The following SGCZ variants were observed in gnomAD, a reference collection of about 807,000 sequenced individuals.
SGCZ encodes sarcoglycan zeta.
SGCZ carries 40 observed loss-of-function variants against 41.3 expected under a neutral mutation model. That is an observed-to-expected ratio of 0.97 (90% CI 0.75 to 1.26). The LOEUF (loss-of-function observed/expected upper bound fraction) is 1.26. SGCZ is among the 50% of genes most tolerant of loss of function. SGCZ has a pLI of 0.00. For missense variants in SGCZ, 552 were observed against 369.8 expected (o/e 1.49, Z -4.04); for synonymous variants, 206 against 137.5 (o/e 1.50, Z -3.49).
chr8:14,719,110 T>C (rs1809797343), intron 1 of SGCZ, among the ~76,000 whole-genome samples: 1 of 150,182 alleles, frequency 6.7e-6, no homozygotes, highest in Non-Finnish European at 1.5e-5. Flanking sequence ...GGTGTTTGGT[T>C]TTTTGTTCTT....
intron 1 of SGCZ, among the ~76,000 whole-genome samples, chr8:14,695,848 C>T (rs75300530): frequency 7.2e-5 from 11 of 151,892 alleles, no homozygotes; most frequent in African/African-American, 2.7e-4. Flanking sequence ...TAAAACAAGA[C>T]AAAGGCATTG....
At chr8:15,132,755 G>C (rs1162716058) in intron 1 of SGCZ, among the ~76,000 whole-genome samples, 2 of 152,124 alleles carry the variant, frequency 1.3e-5, no homozygotes, top group African/African-American at 4.8e-5. Flanking sequence ...TTTACACCAT[G>C]GCAGTCAGCA....
At chr8:14,949,304 A>G (rs1344534736) in intron 1 of SGCZ, among the ~76,000 whole-genome samples, 1 of 152,180 alleles carries the variant, frequency 6.6e-6, no homozygotes, top group Non-Finnish European at 1.5e-5. Flanking sequence ...AGGGAAAAGT[A>G]GTAATTAGAA....
At chr8:15,021,177 G>A (rs1419814308) in intron 1 of SGCZ, among the ~76,000 whole-genome samples, 3 of 152,164 alleles carry the variant, frequency 2.0e-5, no homozygotes, top group Non-Finnish European at 4.4e-5. Context: ...TGCTGCACCT[G>A]CAAATCTAAT....
rs1280028375 is a variant in SGCZ, at chr8:15,233,513, T to C, written c.39+4072A>G. Among the ~76,000 whole-genome samples, 4 of 152,044 alleles carry C rather than the reference T, an allele frequency of 2.6e-5. No homozygotes were observed. In the East Asian group the frequency reaches 7.7e-4, roughly 29 times the overall value. On this transcript the variant is annotated intron_variant, in intron 1 of 7. Coordinates refer to ENST00000382080, the MANE Select transcript of SGCZ (RefSeq NM_139167.4). The stretch of plus-strand genomic sequence containing the variant: ...GTATTATCATTTCTCACCCATATAA[T>C]ACTTTTTTAATGACCTCATTATATT...
intron 1 of SGCZ, among the ~76,000 whole-genome samples, chr8:14,798,018 C>A (rs1052362590): frequency 6.6e-6 from 1 of 152,126 alleles, no homozygotes; most frequent in African/African-American, 2.4e-5. Context: ...GCTGCAGGGG[C>A]GGGGCCCTCA....
intron 2 of SGCZ, among the ~76,000 whole-genome samples, chr8:14,340,107 T>C (rs563785379): frequency 1.3e-5 from 2 of 152,296 alleles, no homozygotes; most frequent in African/African-American, 4.8e-5. Flanking sequence ...CAATTACATT[T>C]CCCTTTTATC....
At chr8:14,554,290 T>A (rs112702251) in intron 2 of SGCZ, among the ~76,000 whole-genome samples, 1 of 152,036 alleles carries the variant, frequency 6.6e-6, no homozygotes, top group Non-Finnish European at 1.5e-5. Context: ...GTGTGTTACA[T>A]AGAAAGCAGA....
At chr8:14,506,156 T>G (rs984693582) in intron 2 of SGCZ, among the ~76,000 whole-genome samples, 3 of 151,840 alleles carry the variant, frequency 2.0e-5, no homozygotes, top group Non-Finnish European at 4.4e-5. Context: ...GCAAGCATGA[T>G]GAAACCCTGT....
chr8:15,233,591 AGATGAAATGTT>A (rs1802028574), intron 1 of SGCZ, among the ~76,000 whole-genome samples: 2 of 152,072 alleles, frequency 1.3e-5, no homozygotes, highest in African/African-American at 4.8e-5. Context: ...AGTTCTTGGT[AGATGAAATGTT>A]GATTCAATTA....
chr8:14,400,692 T>G (rs1799045704), intron 2 of SGCZ, among the ~76,000 whole-genome samples: 1 of 152,178 alleles, frequency 6.6e-6, no homozygotes, highest in East Asian at 1.9e-4. Context: ...CTTGTGCAAT[T>G]TTTCTAAAGG....
intron 4 of SGCZ, among the ~76,000 whole-genome samples, chr8:14,173,292 C>T (rs1272031621): frequency 6.6e-6 from 1 of 151,450 alleles, no homozygotes; most frequent in Non-Finnish European, 1.5e-5. Context: ...CAGATTTGCT[C>T]CATATGCTAG....
intron 1 of SGCZ, among the ~76,000 whole-genome samples, chr8:14,851,141 G>A (rs902063196): frequency 1.3e-5 from 2 of 151,984 alleles, no homozygotes; most frequent in Non-Finnish European, 2.9e-5. Flanking sequence ...AGGCCAAGGC[G>A]GGCGGATCAC....
intron 6 of SGCZ, 137 bp from the exon 7 acceptor site, chr8:14,102,636 T>G: frequency 1.2e-6 from 1 of 801,644 alleles, no homozygotes; most frequent in Non-Finnish European, 1.7e-6. Context: ...AAAGGAAAAG[T>G]CCTACCATTT....
intron 3 of SGCZ, among the ~76,000 whole-genome samples, chr8:14,263,462 T>C (rs1347599750): frequency 2.0e-5 from 3 of 152,008 alleles, no homozygotes; most frequent in Non-Finnish European, 4.4e-5. Flanking sequence ...GGCAGGAGAA[T>C]CACTTGAACC....
chr8:14,809,145 G>A (rs1438075986), intron 1 of SGCZ, among the ~76,000 whole-genome samples: 1 of 151,978 alleles, frequency 6.6e-6, no homozygotes, highest in Non-Finnish European at 1.5e-5. Flanking sequence ...ACAAGTTAGT[G>A]GGTGTAGCAC....
intron 1 of SGCZ, among the ~76,000 whole-genome samples, chr8:14,626,973 C>T (rs1011919508): frequency 3.9e-5 from 6 of 152,140 alleles, no homozygotes; most frequent in African/African-American, 1.4e-4. Flanking sequence ...AAATAATGTT[C>T]ACCTCACATG....
At chr8:14,858,333 C>G (rs577307793) in intron 1 of SGCZ, among the ~76,000 whole-genome samples, 1 of 151,980 alleles carries the variant, frequency 6.6e-6, no homozygotes, top group Non-Finnish European at 1.5e-5. Context: ...TAAAACAAAA[C>G]ATTCCAATTA....
chr8:14,687,553 CA>C (rs1165385668), intron 1 of SGCZ, among the ~76,000 whole-genome samples: 1 of 151,714 alleles, frequency 6.6e-6, no homozygotes, highest in Non-Finnish European at 1.5e-5. Flanking sequence ...CATAGTATTC[CA>C]TGGTGTATAT....
Sources: allele counts gnomAD v4.1 joint callset (sites outside exome capture counted in the v4.1 genomes callset), GRCh38; gene constraint gnomAD v4.1.1; transcripts MANE v1.5; gene names NCBI Gene and HGNC (gene_info 2026-07-23, HGNC 2026-07-21).